STXBP4: variants seen among roughly 807,000 people sequenced by gnomAD.
The protein encoded by STXBP4 is syntaxin binding protein 4.
In STXBP4, 55 loss-of-function variants were observed where a neutral mutation model predicts 76.1. That is an observed-to-expected ratio of 0.72 (90% CI 0.58 to 0.91). STXBP4 has a LOEUF of 0.91. Ranked by LOEUF, STXBP4 falls within the 40% of genes least tolerant of loss-of-function variation. The pLI is 0.00. For missense variants in STXBP4, 618 were observed against 636.9 expected (o/e 0.97, Z 0.32); for synonymous variants, 201 against 220.2 (o/e 0.91, Z 0.77).
At chr17:55,146,007 C>G (rs1404360044) in intron 17 of STXBP4, among the ~76,000 whole-genome samples, 1 of 152,004 alleles carries the variant, frequency 6.6e-6, no homozygotes, top group Non-Finnish European at 1.5e-5. Flanking sequence ...TTATCTTTTT[C>G]CCTTTGAAGT....
At chr17:55,188,854 A>G in the STXBP4 span, among the ~76,000 whole-genome samples, 1 of 152,198 alleles carries the variant, frequency 6.6e-6, no homozygotes, top group Non-Finnish European at 1.5e-5. Context: ...GGCATTAAGT[A>G]AGAGCTTGGG....
chr17:54,995,519 ATATACT>A (rs1187171463), intron 4 of STXBP4, among the ~76,000 whole-genome samples: 2 of 152,218 alleles, frequency 1.3e-5, no homozygotes, highest in East Asian at 1.9e-4. Context: ...TCGGTATGTA[ATATACT>A]TATGAGTGTG....
chr17:54,977,024 A>G (rs967155565), intron 1 of STXBP4, among the ~76,000 whole-genome samples: 2 of 152,134 alleles, frequency 1.3e-5, no homozygotes, highest in African/African-American at 4.8e-5. Context: ...AGAGGGATAC[A>G]AATTTCCCAT....
chr17:55,178,878 G>A, the STXBP4 span, among the ~76,000 whole-genome samples: 5 of 152,162 alleles, frequency 3.3e-5, no homozygotes, highest in African/African-American at 9.7e-5. Flanking sequence ...CCATACTGGG[G>A]AGGAAAATCT....
At chr17:55,119,029 A>G (rs1324134525) in intron 16 of STXBP4, among the ~76,000 whole-genome samples, 1 of 151,570 alleles carries the variant, frequency 6.6e-6, no homozygotes, top group Non-Finnish European at 1.5e-5. Context: ...ATACGTATAC[A>G]TGTGCCATGT....
At chr17:55,043,567 C>T in intron 11 of STXBP4, 1 of 1,495,830 alleles carries the variant, frequency 6.7e-7, no homozygotes, top group Non-Finnish European at 9.1e-7. Flanking sequence ...TTGCTCATGT[C>T]TTCTGTTGAG....
intron 12 of STXBP4, among the ~76,000 whole-genome samples, chr17:55,062,954 A>T (rs2079011715): frequency 6.6e-6 from 1 of 152,262 alleles, no homozygotes; most frequent in Non-Finnish European, 1.5e-5. Flanking sequence ...TTATAGTGAT[A>T]GACAGCAATC....
intron 16 of STXBP4, among the ~76,000 whole-genome samples, chr17:55,118,753 G>A (rs1598328748): frequency 6.6e-6 from 1 of 151,748 alleles, no homozygotes; most frequent in Middle Eastern, 3.4e-3. Context: ...AAGATAGAAG[G>A]AAAATTAGGC....
At chr17:55,153,152 TTTC>T (rs1398551411) in intron 17 of STXBP4, among the ~76,000 whole-genome samples, 1 of 152,216 alleles carries the variant, frequency 6.6e-6, no homozygotes, top group East Asian at 1.9e-4. Flanking sequence ...AATATAATTC[TTTC>T]TTGCCTTTAA....
chr17:55,126,436 A>T (rs2079914046), intron 16 of STXBP4, among the ~76,000 whole-genome samples: 1 of 152,236 alleles, frequency 6.6e-6, no homozygotes, highest in Non-Finnish European at 1.5e-5. Context: ...AATACCTTTT[A>T]AAAAATCAGA....
chr17:55,070,355 T>G (rs1948000), intron 12 of STXBP4, among the ~76,000 whole-genome samples: 55,230 of 151,954 alleles, frequency 0.36, 10,860 homozygotes, highest in East Asian at 0.54. Context: ...AGCAGTCTAG[T>G]GTGAAGTTGA....
chr17:55,033,398 AAAAT>A (rs1235363363), intron 9 of STXBP4, among the ~76,000 whole-genome samples: 1 of 151,952 alleles, frequency 6.6e-6, no homozygotes, highest in African/African-American at 2.4e-5. Flanking sequence ...TAAATAAAAT[AAAAT>A]AAATAAATAA....
At chr17:55,152,680 G>A (rs1358695826) in intron 17 of STXBP4, among the ~76,000 whole-genome samples, 1 of 152,130 alleles carries the variant, frequency 6.6e-6, no homozygotes, top group Non-Finnish European at 1.5e-5. Context: ...CACAAGAACA[G>A]CATGAAAGAA....
downstream of STXBP4, among the ~76,000 whole-genome samples, chr17:55,173,792 T>C (rs975196294): frequency 2.0e-5 from 3 of 152,242 alleles, no homozygotes; most frequent in African/African-American, 7.2e-5. Context: ...CTTACAGTTT[T>C]GTAGGTCAGA....
intron 16 of STXBP4, among the ~76,000 whole-genome samples, chr17:55,088,397 A>G (rs2079366191): frequency 6.6e-6 from 1 of 152,182 alleles, no homozygotes; most frequent in Non-Finnish European, 1.5e-5. Flanking sequence ...TACAGCTTAA[A>G]ACCAGGCTCT....
intron 12 of STXBP4, among the ~76,000 whole-genome samples, chr17:55,064,294 T>C (rs1358719057): frequency 6.6e-6 from 1 of 152,134 alleles, no homozygotes; most frequent in African/African-American, 2.4e-5. Context: ...TGGTTGCTAG[T>C]GGTATTCTGC....
the STXBP4 span, among the ~76,000 whole-genome samples, chr17:55,185,445 G>T: frequency 6.6e-6 from 1 of 151,716 alleles, no homozygotes; most frequent in African/African-American, 2.4e-5. Flanking sequence ...AGTGGGGTGT[G>T]TGTACGTGTG....
At chr17:55,071,704 T>G (rs1254041580) in intron 12 of STXBP4, among the ~76,000 whole-genome samples, 1 of 152,192 alleles carries the variant, frequency 6.6e-6, no homozygotes, top group Non-Finnish European at 1.5e-5. Context: ...TAAATCATTA[T>G]TGAATGTATG....
intron 12 of STXBP4, among the ~76,000 whole-genome samples, chr17:55,062,402 C>T (rs2144826746): frequency 6.6e-6 from 1 of 152,230 alleles, no homozygotes; most frequent in South Asian, 2.1e-4. Context: ...ATCCATGTCC[C>T]TTCAAAGGAC....
Sources: gnomAD v4.1 joint callset for allele counts (sites outside exome capture counted in the v4.1 genomes callset) on GRCh38, gnomAD v4.1.1 for gene constraint, MANE v1.5 for transcripts, NCBI Gene and HGNC (gene_info 2026-07-23, HGNC 2026-07-21) for gene names.